CYRIA: variants seen among roughly 807,000 people sequenced by gnomAD.
The protein encoded by CYRIA is CYFIP related Rac1 interactor A.
In CYRIA, 15 loss-of-function variants were observed where a neutral mutation model predicts 43.9. That is an observed-to-expected ratio of 0.34 (90% CI 0.23 to 0.53). The LOEUF (loss-of-function observed/expected upper bound fraction) is 0.53. Among genes scored for constraint, CYRIA ranks in the 20% least tolerant of loss-of-function variants. The probability of loss-of-function intolerance (pLI) is 0.94; values close to 1 mark genes in which losing one functional copy is unlikely to be tolerated. For missense variants in CYRIA, 236 were observed against 394.2 expected, an observed-to-expected ratio of 0.60 and a Z score of 3.40; for synonymous variants, 117 against 136.0, an observed-to-expected ratio of 0.86 and a Z score of 0.97.
intron 3 of CYRIA, among the ~76,000 whole-genome samples, chr2:16,584,945 T>A (rs935805000): frequency 6.6e-6 from 1 of 152,192 alleles, no homozygotes; most frequent in African/African-American, 2.4e-5. Flanking sequence ...CACACTGTGC[T>A]CTTGTAAGTC....
intron 1 of CYRIA, among the ~76,000 whole-genome samples, chr2:16,655,604 T>C (rs1017052771): frequency 6.6e-6 from 1 of 152,196 alleles, no homozygotes; most frequent in Non-Finnish European, 1.5e-5. Flanking sequence ...CTAAAGAACT[T>C]GAACCTGAAG....
chr2:16,584,633 C>G (rs1667662096), intron 3 of CYRIA, among the ~76,000 whole-genome samples: 1 of 152,212 alleles, frequency 6.6e-6, no homozygotes. Context: ...TTTGCATGGT[C>G]TAACCCAAGC....
chr2:16,644,691 T>G (rs947950661), intron 1 of CYRIA, among the ~76,000 whole-genome samples: 2 of 152,194 alleles, frequency 1.3e-5, no homozygotes, highest in Non-Finnish European at 2.9e-5. Flanking sequence ...TAGAAGTAAC[T>G]TCCTTGGAGG....
At chr2:16,656,843 G>A (rs186064652) in intron 1 of CYRIA, among the ~76,000 whole-genome samples, 55 of 152,318 alleles carry the variant, frequency 3.6e-4, no homozygotes, top group Admixed American at 3.1e-3. Flanking sequence ...CCTCGTGAGC[G>A]TCAGTGGCGT....
chr2:16,561,402 A>T, intron 7 of CYRIA, 54 bp downstream of exon 7: 1 of 1,554,798 alleles, frequency 6.4e-7, no homozygotes, highest in Non-Finnish European at 8.9e-7. Context: ...CTGATGCAGA[A>T]ATCAAAAGAG....
At chr2:16,626,694 G>A (rs1448619840) in intron 1 of CYRIA, among the ~76,000 whole-genome samples, 1 of 152,136 alleles carries the variant, frequency 6.6e-6, no homozygotes, top group Non-Finnish European at 1.5e-5. Context: ...GAGCAAGGGG[G>A]GAAAGAAACT....
chr2:16,562,060 A>C lies in CYRIA; in HGVS notation c.380T>G (p.Leu127Arg), dbSNP rs1666753919. 6.2e-7 allele frequency: 1 copy of C among 1,613,568 alleles called. No individual in the cohort carries two copies. The highest frequency in any genetic ancestry group is 8.5e-7 in the Non-Finnish European group (1 of 1,179,676). The change falls in exon 6 of 12, where the codon CTG becomes CGG. Residue 127 changes from leucine to arginine, a missense_variant. Transcript: ENST00000381323. ...TAAAATTTCGGCAAACTCCTTTGCC[A>C]GGGCCTGTTCCCTTTCCAGGTGTTG... is the stretch of plus-strand genomic sequence containing the variant. ...PTQHLEREQA[L>R]AKEFAEILHF...
At chr2:16,554,929 C>A in intron 11 of CYRIA, 140 bp downstream of exon 11, 2 of 571,648 alleles carry the variant, frequency 3.5e-6, no homozygotes, top group Non-Finnish European at 3.0e-6. Flanking sequence ...ATGGTGCTGA[C>A]CTCAAAAGAT....
chr2:16,592,675 T>A (rs1055553960), intron 2 of CYRIA, among the ~76,000 whole-genome samples: 2 of 152,140 alleles, frequency 1.3e-5, no homozygotes, highest in African/African-American at 4.8e-5. Flanking sequence ...AACAATATGA[T>A]GTGTTGACTC....
At chr2:16,557,331 C>T (rs1368191352) in intron 10 of CYRIA, among the ~76,000 whole-genome samples, 5 of 152,086 alleles carry the variant, frequency 3.3e-5, no homozygotes, top group African/African-American at 9.7e-5. Context: ...TTCTCCCTCC[C>T]CCTAGGTTTC....
At chr2:16,562,731 G>A (rs942731986) in intron 5 of CYRIA, among the ~76,000 whole-genome samples, 2 of 152,088 alleles carry the variant, frequency 1.3e-5, no homozygotes, top group Non-Finnish European at 2.9e-5. Context: ...ATAGCACAGA[G>A]TCATTTAACC....
intron 1 of CYRIA, among the ~76,000 whole-genome samples, chr2:16,636,325 C>T (rs1240239107): frequency 3.3e-5 from 5 of 152,134 alleles, no homozygotes; most frequent in South Asian, 2.1e-4. Flanking sequence ...AGAGCTAATT[C>T]GAGATGTGGC....
intron 3 of CYRIA, among the ~76,000 whole-genome samples, chr2:16,587,849 T>C (rs901618434): frequency 5.9e-5 from 9 of 152,138 alleles, no homozygotes; most frequent in African/African-American, 1.7e-4. Flanking sequence ...TCCTGAGCCA[T>C]GTGGAACCGT....
At chr2:16,605,424 C>A (rs1351146592) in intron 2 of CYRIA, among the ~76,000 whole-genome samples, 6 of 152,262 alleles carry the variant, frequency 3.9e-5, no homozygotes, top group Non-Finnish European at 8.8e-5. Context: ...ACTAGTGAAT[C>A]TGTCCCCTTT....
chr2:16,631,209 C>T (rs1168229086), intron 1 of CYRIA, among the ~76,000 whole-genome samples: 2 of 152,238 alleles, frequency 1.3e-5, no homozygotes, highest in Non-Finnish European at 2.9e-5. Flanking sequence ...TTATCTCCAC[C>T]ATTGAGTGGA....
At chr2:16,578,486 A>G (rs1667430918) in intron 3 of CYRIA, among the ~76,000 whole-genome samples, 2 of 152,244 alleles carry the variant, frequency 1.3e-5, no homozygotes, top group African/African-American at 2.4e-5. Context: ...ATGTTAAAGA[A>G]TCTATAATGT....
intron 2 of CYRIA, among the ~76,000 whole-genome samples, chr2:16,612,543 C>T (rs947165175): frequency 7.9e-5 from 12 of 152,132 alleles, no homozygotes; most frequent in Non-Finnish European, 1.8e-4. Flanking sequence ...CAATGATGCA[C>T]AAATTAACTT....
At chr2:16,652,250 C>G (rs951906358) in intron 1 of CYRIA, among the ~76,000 whole-genome samples, 1 of 152,182 alleles carries the variant, frequency 6.6e-6, no homozygotes, top group Non-Finnish European at 1.5e-5. Flanking sequence ...CTTACCTACC[C>G]CCCTCACACT....
intron 2 of CYRIA, among the ~76,000 whole-genome samples, chr2:16,609,423 G>C (rs901047181): frequency 2.0e-5 from 3 of 152,216 alleles, no homozygotes; most frequent in Non-Finnish European, 4.4e-5. Context: ...CCCTGGGCAT[G>C]TCATCTCACC....
Sources: allele counts gnomAD v4.1 joint callset (sites outside exome capture counted in the v4.1 genomes callset), GRCh38; gene constraint gnomAD v4.1.1; transcripts MANE v1.5; gene names NCBI Gene and HGNC (gene_info 2026-07-23, HGNC 2026-07-21).